CNTN1: variants seen among roughly 807,000 people sequenced by gnomAD.
CNTN1 encodes the protein contactin-1.
CNTN1 carries 38 observed loss-of-function variants against 126.4 expected under a neutral mutation model. That is an observed-to-expected ratio of 0.30 (90% CI 0.23 to 0.39). The LOEUF is 0.39. Among genes scored for constraint, CNTN1 ranks in the 10% least tolerant of loss-of-function variants. CNTN1 has a pLI of 1.00. For synonymous variants in CNTN1, 413 were observed against 422.6 expected (o/e 0.98, Z 0.28); for missense variants, 1,009 against 1,248.4 (o/e 0.81, Z 2.89).
chr12:40,874,217 T>G (rs1307313318), intron 1 of CNTN1, among the ~76,000 whole-genome samples: 1 of 151,962 alleles, frequency 6.6e-6, no homozygotes, highest in Non-Finnish European at 1.5e-5. Context: ...CCTTATAGGG[T>G]TATTGGGAGG....
At chr12:40,844,984 T>G (rs1159773263) in intron 1 of CNTN1, among the ~76,000 whole-genome samples, 1 of 152,222 alleles carries the variant, frequency 6.6e-6, no homozygotes, top group African/African-American at 2.4e-5. Flanking sequence ...AGCACTCTTC[T>G]GTTATTCCAA....
chr12:40,805,251 T>G (rs940128019), intron 1 of CNTN1, among the ~76,000 whole-genome samples: 2 of 152,062 alleles, frequency 1.3e-5, no homozygotes, highest in African/African-American at 4.8e-5. Context: ...AAATTTCTTC[T>G]ACCCCCTTTT....
chr12:40,847,748 G>T (rs1405963338), intron 1 of CNTN1, among the ~76,000 whole-genome samples: 2 of 152,154 alleles, frequency 1.3e-5, no homozygotes, highest in Non-Finnish European at 2.9e-5. Context: ...GAAGGAGTGG[G>T]CTGTCCCTCT....
In CNTN1 at chr12:40,864,863, G is replaced by T. The variant is rs548435625; in HGVS notation, c.-76-43494G>T. 4.6e-5 allele frequency among the ~76,000 whole-genome samples: 7 copies of T among 152,190 alleles called. No homozygotes were observed. In the South Asian group the frequency reaches 1.2e-3, roughly 27 times the overall value. ...CATGCATACAATTAAGGGTGGAATT[G>T]CTGGGGCATATGGTAACTCTATTCT... On this transcript the variant is annotated intron_variant, in intron 1 of 23. Transcript: ENST00000551295.
intron 17 of CNTN1, among the ~76,000 whole-genome samples, chr12:41,005,568 C>T (rs1448863363): frequency 2.6e-5 from 4 of 152,076 alleles, no homozygotes; most frequent in African/African-American, 9.7e-5. Context: ...TCCAGGGACA[C>T]CAATGAGTTG....
chr12:40,925,451 A>G (rs1290570423), intron 6 of CNTN1, among the ~76,000 whole-genome samples: 2 of 151,266 alleles, frequency 1.3e-5, no homozygotes, highest in African/African-American at 4.8e-5. Flanking sequence ...TGTGGGATAC[A>G]TCAATCTGAT....
Position 41,015,352 on chromosome 12 carries a change from G to A in CNTN1, c.2184+1054G>A, listed in dbSNP as rs1429035814. On this transcript the variant is annotated intron_variant, in intron 18 of 23. Transcript: ENST00000551295. ...GTGGATATCTGCTACAGAATAAGAT[G>A]GGCCTTATAAAAAATTCAGTATTGG... Among the ~76,000 whole-genome samples, 5 of 151,988 alleles carry A rather than the reference G, an allele frequency of 3.3e-5. No homozygotes were observed. In the East Asian group the frequency reaches 9.6e-4, roughly 29 times the overall value.
intron 23 of CNTN1, among the ~76,000 whole-genome samples, chr12:41,064,098 C>T (rs920967065): frequency 6.6e-6 from 1 of 150,764 alleles, no homozygotes; most frequent in East Asian, 2.0e-4. Context: ...GGCGTGAACC[C>T]GGGAGGCAGA....
intron 23 of CNTN1, among the ~76,000 whole-genome samples, chr12:41,069,379 C>A (rs937228661): frequency 1.1e-4 from 17 of 152,094 alleles, no homozygotes; most frequent in African/African-American, 4.1e-4. Context: ...CCTAGCATAC[C>A]TATGTTGTCA....
chr12:41,016,660 C>T, intron 18 of CNTN1, 22 bp from the exon 19 acceptor site: 1 of 1,505,048 alleles, frequency 6.6e-7, no homozygotes, highest in Non-Finnish European at 9.3e-7. Context: ...AAAACCTACT[C>T]AATCTTTTAA....
chr12:40,914,910 G>T (rs1945175052), intron 3 of CNTN1, among the ~76,000 whole-genome samples: 1 of 151,892 alleles, frequency 6.6e-6, no homozygotes, highest in African/African-American at 2.4e-5. Flanking sequence ...TTATATATAG[G>T]AATAACCCTA....
At chr12:40,927,164 T>A (rs1945725047) in intron 6 of CNTN1, among the ~76,000 whole-genome samples, 1 of 152,118 alleles carries the variant, frequency 6.6e-6, no homozygotes, top group Non-Finnish European at 1.5e-5. Context: ...AAAAGCAACA[T>A]TTCTTAAGTA....
intron 1 of CNTN1, among the ~76,000 whole-genome samples, chr12:40,762,209 A>G (rs1463210077): frequency 6.6e-6 from 1 of 152,236 alleles, no homozygotes; most frequent in Non-Finnish European, 1.5e-5. Flanking sequence ...ATATACAAAG[A>G]TCACCTCTAA....
intron 15 of CNTN1, among the ~76,000 whole-genome samples, chr12:40,963,418 G>A (rs144903031): frequency 4.6e-5 from 7 of 152,028 alleles, no homozygotes; most frequent in Non-Finnish European, 8.8e-5. Flanking sequence ...TTGGTGAAAG[G>A]AGTAATTTCA....
chr12:40,715,581 A>G lies in CNTN1; in HGVS notation c.-77+22989A>G, dbSNP rs79898033. Reference sequence around the variant, plus strand: ...CCCTTGTGTTGGAGAAAATATTGACATTCCTGTTGCTTTTAAGCAATAAAT... The same window carrying G: ...CCCTTGTGTTGGAGAAAATATTGACGTTCCTGTTGCTTTTAAGCAATAAAT... On this transcript the variant is annotated intron_variant, in intron 1 of 23. Coordinates refer to ENST00000551295, the MANE Select transcript of CNTN1 (RefSeq NM_001843.4). Among the ~76,000 whole-genome samples the G allele has an allele frequency of 3.5e-4, 54 of 152,288 alleles. No individual in the cohort carries two copies. The East Asian group carries it at 9.1e-3, about 26-fold the overall frequency.
intron 21 of CNTN1, among the ~76,000 whole-genome samples, chr12:41,025,582 C>T (rs1264986076): frequency 6.6e-6 from 1 of 152,188 alleles, no homozygotes; most frequent in Admixed American, 6.5e-5. Context: ...TTTGTAAAGG[C>T]TGTCCTCTCA....
At chr12:40,907,646 C>T (rs540120051) in intron 1 of CNTN1, among the ~76,000 whole-genome samples, 5 of 152,288 alleles carry the variant, frequency 3.3e-5, no homozygotes, top group African/African-American at 9.6e-5. Context: ...TTATTTTCTT[C>T]TTGTCCTGAA....
chr12:40,698,679 T>C (rs1035240052), intron 1 of CNTN1, among the ~76,000 whole-genome samples: 2 of 152,216 alleles, frequency 1.3e-5, no homozygotes, highest in Non-Finnish European at 2.9e-5. Flanking sequence ...CAGTTGTCTT[T>C]CTAAAACCAA....
At chr12:41,042,660 A>G (rs1053298766) in intron 23 of CNTN1, among the ~76,000 whole-genome samples, 3 of 152,124 alleles carry the variant, frequency 2.0e-5, no homozygotes, top group African/African-American at 4.8e-5. Flanking sequence ...TTTAAAGTTC[A>G]TATGGAACCA....
Sources: gnomAD v4.1 joint callset for allele counts (sites outside exome capture counted in the v4.1 genomes callset) on GRCh38, gnomAD v4.1.1 for gene constraint, MANE v1.5 for transcripts, NCBI Gene and HGNC (gene_info 2026-07-23, HGNC 2026-07-21) for gene names.